Variants in ROBO1 observed in about 807,000 individuals in gnomAD.
The protein encoded by ROBO1 is roundabout homolog 1.
Under a neutral mutation model 195.9 loss-of-function variants are expected in ROBO1, and 149 were observed. The ratio of observed to expected loss-of-function variants is 0.76; its 90% CI spans 0.67 to 0.87. The LOEUF (loss-of-function observed/expected upper bound fraction) is 0.87. Among genes scored for constraint, ROBO1 ranks in the 40% least tolerant of loss-of-function variants. The probability of loss-of-function intolerance (pLI) is 0.00; values close to 1 mark genes in which losing one functional copy is unlikely to be tolerated. For synonymous variants in ROBO1, 816 were observed against 733.2 expected (o/e 1.11, Z -1.82); for missense variants, 1,933 against 2,068.3 (o/e 0.93, Z 1.27).
intron 1 of ROBO1, among the ~76,000 whole-genome samples, chr3:79,704,790 T>G (rs1947718292): frequency 6.6e-6 from 1 of 152,072 alleles, no homozygotes; most frequent in African/African-American, 2.4e-5. Flanking sequence ...CTACATCATT[T>G]TACTTTCCCA....
At chr3:79,056,701 T>G (rs2078816103) in intron 3 of ROBO1, among the ~76,000 whole-genome samples, 1 of 152,100 alleles carries the variant, frequency 6.6e-6, no homozygotes, top group African/African-American at 2.4e-5. Flanking sequence ...TCACTAGAAC[T>G]GGAATTCATA....
chr3:78,964,164 T>C (rs1244225503), intron 3 of ROBO1, among the ~76,000 whole-genome samples: 19 of 152,154 alleles, frequency 1.2e-4, no homozygotes, highest in Non-Finnish European at 2.9e-5. Flanking sequence ...TATCTTTGTG[T>C]CCAAATTTCC....
At chr3:79,707,491 T>G (rs1029348310) in intron 1 of ROBO1, among the ~76,000 whole-genome samples, 2 of 152,188 alleles carry the variant, frequency 1.3e-5, no homozygotes, top group African/African-American at 4.8e-5. Context: ...ATATCACGTT[T>G]AAATTATATT....
chr3:78,777,312 G>C (rs1014861715), intron 4 of ROBO1, among the ~76,000 whole-genome samples: 2 of 152,136 alleles, frequency 1.3e-5, no homozygotes, highest in African/African-American at 4.8e-5. Context: ...TTCAAAGACA[G>C]TATACAGCTA....
At chr3:79,579,772 G>T (rs1380470199) in intron 2 of ROBO1, among the ~76,000 whole-genome samples, 1 of 151,938 alleles carries the variant, frequency 6.6e-6, no homozygotes, top group Non-Finnish European at 1.5e-5. Flanking sequence ...TATTAGAAAA[G>T]AAAAAGGCAA....
At chr3:78,708,522 G>A (rs1323695996) in intron 8 of ROBO1, among the ~76,000 whole-genome samples, 3 of 151,464 alleles carry the variant, frequency 2.0e-5, no homozygotes, top group Admixed American at 2.0e-4. Context: ...AATATAATTT[G>A]GCCATCATCT....
At chr3:79,330,219 C>A (rs2034378817) in intron 2 of ROBO1, among the ~76,000 whole-genome samples, 1 of 148,112 alleles carries the variant, frequency 6.8e-6, no homozygotes, top group South Asian at 2.1e-4. Flanking sequence ...ACATATGTAA[C>A]CTGCACATTG....
At chr3:79,161,652 T>A (rs2080968370) in intron 2 of ROBO1, among the ~76,000 whole-genome samples, 1 of 152,168 alleles carries the variant, frequency 6.6e-6, no homozygotes, top group South Asian at 2.1e-4. Context: ...TAACTTTGTA[T>A]ACCTGTTAAA....
intron 3 of ROBO1, among the ~76,000 whole-genome samples, chr3:79,017,450 A>AGTGTGT (rs60522056): frequency 0.069 from 9,160 of 133,410 alleles, 366 homozygotes; most frequent in African/African-American, 0.11. Context: ...TCCGAGGTGC[A>AGTGTGT]GTGTGTGTGT....
chr3:79,643,916 T>G (rs978905587), intron 1 of ROBO1, among the ~76,000 whole-genome samples: 13 of 151,976 alleles, frequency 8.6e-5, no homozygotes, highest in Admixed American at 5.9e-4. Flanking sequence ...AAACGTAGGA[T>G]GAAGAAACAA....
chr3:79,295,995 T>C (rs1174727792), intron 2 of ROBO1, among the ~76,000 whole-genome samples: 1 of 152,092 alleles, frequency 6.6e-6, no homozygotes, highest in African/African-American at 2.4e-5. Context: ...TACATATAAA[T>C]ATATAGAAAT....
chr3:79,652,082 G>A (rs932997046), intron 1 of ROBO1, among the ~76,000 whole-genome samples: 18 of 152,032 alleles, frequency 1.2e-4, no homozygotes, highest in Admixed American at 1.2e-3. Context: ...TTCAGCATAT[G>A]AATAATTTAT....
chr3:78,625,439 G>T (rs1704703985), intron 26 of ROBO1, among the ~76,000 whole-genome samples: 1 of 152,150 alleles, frequency 6.6e-6, no homozygotes, highest in Non-Finnish European at 1.5e-5. Context: ...TAAAAGAAAA[G>T]ATAAGTTTAA....
intron 2 of ROBO1, among the ~76,000 whole-genome samples, chr3:79,242,974 C>A: frequency 1.1e-5 from 1 of 93,280 alleles, no homozygotes; most frequent in Admixed American, 1.2e-4. Context: ...TAATGCTATC[C>A]CTCCCCCCTC....
chr3:79,028,800 T>G (rs1438802472), intron 3 of ROBO1, among the ~76,000 whole-genome samples: 3 of 152,062 alleles, frequency 2.0e-5, no homozygotes, highest in Non-Finnish European at 4.4e-5. Context: ...TATTTTTGTT[T>G]AAGGGATGCC....
At chr3:79,679,028 A>G (rs1167375238) in intron 1 of ROBO1, among the ~76,000 whole-genome samples, 1 of 152,042 alleles carries the variant, frequency 6.6e-6, no homozygotes, top group Non-Finnish European at 1.5e-5. Context: ...ATATTCTCAT[A>G]CAGAATATTA....
intron 3 of ROBO1, among the ~76,000 whole-genome samples, chr3:79,006,326 A>G (rs2077619972): frequency 6.6e-6 from 1 of 152,192 alleles, no homozygotes; most frequent in Admixed American, 6.5e-5. Flanking sequence ...GTAACCATAC[A>G]AAGAAGAGGG....
chr3:79,330,674 A>G (rs1217270081), intron 2 of ROBO1, among the ~76,000 whole-genome samples: 1 of 142,656 alleles, frequency 7.0e-6, no homozygotes, highest in African/African-American at 2.7e-5. Context: ...ACTTAGGGAA[A>G]AAAAAAAAAA....
chr3:78,637,779 C>T (rs1052674290), intron 22 of ROBO1, among the ~76,000 whole-genome samples: 12 of 152,128 alleles, frequency 7.9e-5, no homozygotes, highest in East Asian at 1.9e-4. Flanking sequence ...GTCACATCCA[C>T]GTCCAGTGGA....
Sources: allele counts gnomAD v4.1 joint callset (sites outside exome capture counted in the v4.1 genomes callset), GRCh38; gene constraint gnomAD v4.1.1; transcripts MANE v1.5; gene names NCBI Gene and HGNC (gene_info 2026-07-23, HGNC 2026-07-21).